Variants in ADGRB3 observed in about 807,000 individuals in gnomAD.
The protein encoded by ADGRB3 is adhesion G protein-coupled receptor B3.
ADGRB3 carries 37 observed loss-of-function variants against 193.4 expected under a neutral mutation model. The observed-to-expected ratio is 0.19, with a 90% CI of 0.15 to 0.25. The LOEUF is 0.25. Among genes scored for constraint, ADGRB3 ranks in the 10% least tolerant of loss-of-function variants. The pLI is 1.00. For missense variants in ADGRB3, 1,637 were observed against 1,852.9 expected, an observed-to-expected ratio of 0.88 and a Z score of 2.14; for synonymous variants, 690 against 644.2, an observed-to-expected ratio of 1.07 and a Z score of -1.08.
chr6:68,946,786 G>A (rs1767786414), intron 6 of ADGRB3, among the ~76,000 whole-genome samples: 1 of 152,084 alleles, frequency 6.6e-6, no homozygotes, highest in Non-Finnish European at 1.5e-5. Context: ...CATTATAGTC[G>A]TAAAGCTTCC....
At chr6:69,355,165 A>T (rs1456675886) in intron 27 of ADGRB3, among the ~76,000 whole-genome samples, 1 of 152,220 alleles carries the variant, frequency 6.6e-6, no homozygotes. Flanking sequence ...ACCCTGATCA[A>T]GATAATGAAA....
At chr6:69,371,222 G>A (rs1178112151) in intron 29 of ADGRB3, among the ~76,000 whole-genome samples, 1 of 152,020 alleles carries the variant, frequency 6.6e-6, no homozygotes, top group African/African-American at 2.4e-5. Context: ...CTACTGAAAC[G>A]TGGTTTGGGG....
intron 17 of ADGRB3, among the ~76,000 whole-genome samples, chr6:69,156,346 T>A (rs796081429): frequency 7.2e-5 from 11 of 152,210 alleles, no homozygotes; most frequent in African/African-American, 2.6e-4. Flanking sequence ...AAAACTGCTG[T>A]GAGGAGATAA....
intron 3 of ADGRB3, among the ~76,000 whole-genome samples, chr6:68,826,353 GT>G (rs1471701387): frequency 6.6e-6 from 1 of 152,166 alleles, no homozygotes; most frequent in Admixed American, 6.5e-5. Flanking sequence ...GACCAGTGAA[GT>G]TGTGTGGAAG....
chr6:69,180,880 G>A (rs745600397), intron 17 of ADGRB3, among the ~76,000 whole-genome samples: 12 of 152,088 alleles, frequency 7.9e-5, no homozygotes, highest in South Asian at 6.2e-4. Context: ...TGTATGCCCC[G>A]GGATTAAAAA....
At chr6:69,177,259 G>A (rs1217031590) in intron 17 of ADGRB3, among the ~76,000 whole-genome samples, 1 of 152,026 alleles carries the variant, frequency 6.6e-6, no homozygotes, top group Non-Finnish European at 1.5e-5. Flanking sequence ...TAAGTGTTTG[G>A]TGCTGTAAAC....
At chr6:68,964,980 C>T (rs1362494104) in intron 8 of ADGRB3, among the ~76,000 whole-genome samples, 3 of 152,152 alleles carry the variant, frequency 2.0e-5, no homozygotes, top group Admixed American at 6.6e-5. Context: ...ATAGGTCCAT[C>T]ATCTCTTAGC....
At chr6:69,328,616 T>G (rs1768637121) in intron 22 of ADGRB3, among the ~76,000 whole-genome samples, 1 of 152,136 alleles carries the variant, frequency 6.6e-6, no homozygotes, top group Admixed American at 6.6e-5. Context: ...TTAATTATTT[T>G]GGGTTTGAGG....
chr6:69,078,174 A>T (rs1320684403), intron 17 of ADGRB3, among the ~76,000 whole-genome samples: 1 of 152,030 alleles, frequency 6.6e-6, no homozygotes, highest in Non-Finnish European at 1.5e-5. Flanking sequence ...ATAAAGTTCA[A>T]ATTAGAAGTT....
intron 3 of ADGRB3, among the ~76,000 whole-genome samples, chr6:68,653,312 G>A (rs1296903666): frequency 6.6e-6 from 1 of 152,116 alleles, no homozygotes; most frequent in African/African-American, 2.4e-5. Flanking sequence ...TGTCACTACA[G>A]CCTAATCTAT....
intron 31 of ADGRB3, among the ~76,000 whole-genome samples, chr6:69,383,879 G>A (rs142238047): frequency 3.3e-5 from 5 of 151,904 alleles, no homozygotes; most frequent in Admixed American, 6.6e-5. Flanking sequence ...TACTCTTTGC[G>A]GCCCTTGGAT....
rs143697071 is a variant in ADGRB3 at position 68,872,014 on chromosome 6, T to C, written c.758-58545T>C. ...TGTAACAAATATTTTTTCATTGATA[T>C]GACTGTCTTACGGTTTTTGTGATTA... is the stretch of plus-strand genomic sequence containing the variant. On this transcript the variant is annotated intron_variant, in intron 3 of 31. Transcript: ENST00000370598. Among the ~76,000 whole-genome samples the C allele has an allele frequency of 1.9e-4, 28 of 150,432 alleles. No individual in the cohort carries two copies. The East Asian group carries it at 4.8e-3, about 26-fold the overall frequency.
At chr6:68,639,838 AC>A (rs1341596507) in intron 3 of ADGRB3, among the ~76,000 whole-genome samples, 1 of 152,078 alleles carries the variant, frequency 6.6e-6, no homozygotes, top group Non-Finnish European at 1.5e-5. Flanking sequence ...CAAAACGTCC[AC>A]TTTACTTCCT....
chr6:69,078,324 A>T (rs531533784), intron 17 of ADGRB3, among the ~76,000 whole-genome samples: 3 of 152,128 alleles, frequency 2.0e-5, no homozygotes, highest in South Asian at 4.1e-4. Context: ...CCCACTGATC[A>T]TCACCATCTT....
intron 3 of ADGRB3, among the ~76,000 whole-genome samples, chr6:68,806,944 AG>A (rs1053921626): frequency 1.3e-5 from 2 of 152,296 alleles, no homozygotes; most frequent in South Asian, 2.1e-4. Context: ...CATGTGTTAA[AG>A]GTATGCATAT....
intron 10 of ADGRB3, among the ~76,000 whole-genome samples, chr6:68,992,798 C>A (rs959579787): frequency 2.0e-5 from 3 of 152,064 alleles, no homozygotes; most frequent in South Asian, 2.1e-4. Flanking sequence ...GATTGCCATA[C>A]TTTAAAAGAT....
intron 3 of ADGRB3, among the ~76,000 whole-genome samples, chr6:68,782,284 C>A (rs1766870127): frequency 6.6e-6 from 1 of 151,746 alleles, no homozygotes; most frequent in African/African-American, 2.4e-5. Context: ...CATCTATGTC[C>A]CTACAAAGGA....
At chr6:68,709,972 A>T (rs1278036596) in intron 3 of ADGRB3, among the ~76,000 whole-genome samples, 2 of 151,926 alleles carry the variant, frequency 1.3e-5, no homozygotes, top group African/African-American at 2.4e-5. Context: ...CTTTTTCTTT[A>T]AATCTTACTT....
At chr6:69,320,274 T>A (rs914384222) in intron 20 of ADGRB3, among the ~76,000 whole-genome samples, 45 of 151,580 alleles carry the variant, frequency 3.0e-4, no homozygotes, top group Middle Eastern at 3.4e-3. Flanking sequence ...CATGGCTATA[T>A]TTTTAAAATT....
Sources: allele counts gnomAD v4.1 joint callset (sites outside exome capture counted in the v4.1 genomes callset), GRCh38; gene constraint gnomAD v4.1.1; transcripts MANE v1.5; gene names NCBI Gene and HGNC (gene_info 2026-07-23, HGNC 2026-07-21).